Variants in GPC5 observed in about 807,000 individuals in gnomAD.
GPC5 encodes glypican-5.
GPC5 carries 47 observed loss-of-function variants against 53.9 expected under a neutral mutation model. That is an observed-to-expected ratio of 0.87 (90% CI 0.69 to 1.11). The LOEUF (loss-of-function observed/expected upper bound fraction) is 1.11. GPC5 is among the 50% of genes most tolerant of loss of function. The pLI, the probability that GPC5 is intolerant of heterozygous loss-of-function variation, is 0.00. For missense variants in GPC5, 748 were observed against 713.1 expected (o/e 1.05, Z -0.56); for synonymous variants, 286 against 263.3 (o/e 1.09, Z -0.84).
intron 6 of GPC5, among the ~76,000 whole-genome samples, chr13:91,964,306 G>A (rs1326824376): frequency 6.6e-6 from 1 of 152,184 alleles, no homozygotes; most frequent in Non-Finnish European, 1.5e-5. Context: ...CAGGTTGCTG[G>A]TGTGGGCTCC....
chr13:92,196,114 A>G (rs1339872503), intron 7 of GPC5, among the ~76,000 whole-genome samples: 1 of 151,178 alleles, frequency 6.6e-6, no homozygotes, highest in Non-Finnish European at 1.5e-5. Flanking sequence ...TTCAAAATTT[A>G]CATTTCTATG....
chr13:92,178,061 C>T (rs1481151354), intron 7 of GPC5, among the ~76,000 whole-genome samples: 4 of 152,146 alleles, frequency 2.6e-5, no homozygotes, highest in Non-Finnish European at 4.4e-5. Flanking sequence ...TTACCAAGCT[C>T]TTAACCTAAT....
chr13:92,465,222 T>G (rs1209073213), intron 7 of GPC5, among the ~76,000 whole-genome samples: 13 of 152,076 alleles, frequency 8.5e-5, no homozygotes, highest in Non-Finnish European at 1.8e-4. Context: ...AAGTGTATGT[T>G]AAGAAATGAT....
At chr13:91,779,597 G>C (rs2037764762) in intron 5 of GPC5, among the ~76,000 whole-genome samples, 1 of 152,176 alleles carries the variant, frequency 6.6e-6, no homozygotes, top group Non-Finnish European at 1.5e-5. Flanking sequence ...CTGGGCTCAA[G>C]TGGTCTGCCT....
chr13:91,958,233 A>G (rs1358138298), intron 6 of GPC5, among the ~76,000 whole-genome samples: 1 of 151,778 alleles, frequency 6.6e-6, no homozygotes, highest in African/African-American at 2.4e-5. Flanking sequence ...AGAGGTAGCT[A>G]TACCTATGTT....
At chr13:92,700,245 C>A (rs1887686402) in intron 7 of GPC5, among the ~76,000 whole-genome samples, 1 of 145,332 alleles carries the variant, frequency 6.9e-6, no homozygotes, top group Non-Finnish European at 1.5e-5. Context: ...ACTGGGATTG[C>A]AACCCCTGCA....
At position 91,892,611 on chromosome 13, in the gene GPC5, ATTTTGT is replaced by A. The variant is rs2039399033; in HGVS notation, c.1281-15325_1281-15320del. ...ATCTTTAACTCTGTTACAAATTAGT[ATTTTGT>A]AGATAAAAATTATTATATAATTTTA... is the stretch of plus-strand genomic sequence containing the variant. On this transcript the variant is annotated intron_variant, in intron 5 of 7. Coordinates refer to ENST00000377067, the MANE Select transcript of GPC5 (RefSeq NM_004466.6). Among the ~76,000 whole-genome samples, 2 of 151,726 alleles carry A rather than the reference ATTTTGT, an allele frequency of 1.3e-5. 1 individual carries two copies. The highest frequency in any genetic ancestry group is 4.1e-4 in the South Asian group (2 of 4,826).
chr13:92,131,063 A>C (rs1013787738), intron 6 of GPC5, among the ~76,000 whole-genome samples: 2 of 151,976 alleles, frequency 1.3e-5, no homozygotes, highest in Non-Finnish European at 2.9e-5. Context: ...CTTTATTAGC[A>C]GATATTTAAA....
intron 5 of GPC5, among the ~76,000 whole-genome samples, chr13:91,820,749 G>A (rs1260031860): frequency 1.3e-5 from 2 of 152,062 alleles, no homozygotes; most frequent in Non-Finnish European, 2.9e-5. Context: ...GGATCACGAG[G>A]TCAGGAGATC....
chr13:91,659,479 C>G (rs2034930741), intron 2 of GPC5, among the ~76,000 whole-genome samples: 2 of 152,146 alleles, frequency 1.3e-5, no homozygotes, highest in African/African-American at 2.4e-5. Flanking sequence ...CACAGCTCTG[C>G]TTACATGTCC....
intron 2 of GPC5, among the ~76,000 whole-genome samples, chr13:91,616,192 G>A (rs776220103): frequency 6.6e-6 from 1 of 152,080 alleles, no homozygotes; most frequent in Non-Finnish European, 1.5e-5. Context: ...TCTGTTAATT[G>A]TTGATTCTTG....
rs114386850 is a variant in GPC5, at chr13:91,500,221, T to C, written c.325+51299T>C. Among the ~76,000 whole-genome samples, 582 of 152,344 alleles carry C rather than the reference T, an allele frequency of 3.8e-3. 4 individuals are homozygous for C. The highest frequency in any genetic ancestry group is 0.013 in the African/African-American group (553 of 41,588). ...ATACAAATCCTTGAGGATAGGGACT[T>C]TTCTTCACTACCATGTCTTTAGAAA... On this transcript the variant is annotated intron_variant, in intron 2 of 7. Transcript: ENST00000377067.
intron 5 of GPC5, among the ~76,000 whole-genome samples, chr13:91,880,955 T>C (rs1369352915): frequency 6.6e-6 from 1 of 152,160 alleles, no homozygotes; most frequent in Non-Finnish European, 1.5e-5. Context: ...CACACAGGGC[T>C]AATTTTTGTG....
In GPC5 at chr13:91,756,277, C is replaced by G. The variant is rs748465006; in HGVS notation, c.1155-18C>G. ...GTGGATGTTTGGTTTTAATTGTTTT[C>G]TTTCTTCTTTCATTTAGAGAATTTA... On this transcript the variant is annotated intron_variant, in intron 4 of 7. Coordinates refer to ENST00000377067, the MANE Select transcript of GPC5 (RefSeq NM_004466.6). 1 of 1,464,694 alleles carries G rather than the reference C, an allele frequency of 6.8e-7. No homozygotes were observed. Among genetic ancestry groups the G allele is most frequent in the Non-Finnish European group, 9.2e-7 (1 of 1,092,038 alleles). The allele number at this position is 1,464,694 out of a possible 1,614,324, so 90.7% of individuals were successfully genotyped here.
intron 4 of GPC5, among the ~76,000 whole-genome samples, chr13:91,743,568 G>T (rs949014824): frequency 4.6e-5 from 7 of 152,134 alleles, no homozygotes; most frequent in African/African-American, 1.7e-4. Flanking sequence ...AGGGGAAAAT[G>T]GGAAGCAGGA....
At chr13:92,543,189 T>C (rs926417591) in intron 7 of GPC5, among the ~76,000 whole-genome samples, 1 of 152,060 alleles carries the variant, frequency 6.6e-6, no homozygotes, top group Non-Finnish European at 1.5e-5. Context: ...TTTTCTCTAT[T>C]TGTCTGTGTC....
rs965528147 is a variant in GPC5, at chr13:91,736,465, G to A, written c.1154+7800G>A. 2.6e-5 allele frequency among the ~76,000 whole-genome samples: 4 copies of A among 151,090 alleles called. No homozygotes were observed. In the South Asian group the frequency reaches 8.3e-4, roughly 31 times the overall value. On this transcript the variant is annotated intron_variant, in intron 4 of 7. Coordinates refer to ENST00000377067, the MANE Select transcript of GPC5 (RefSeq NM_004466.6). ...TTTTTTGCCATCTCATATGCTGAATGTAGATCTTTTTTTATTATACTGTAT... is the reference window on the plus strand; with the variant it reads ...TTTTTTGCCATCTCATATGCTGAATATAGATCTTTTTTTATTATACTGTAT...
At chr13:92,775,376 A>C (rs2138754260) in intron 7 of GPC5, among the ~76,000 whole-genome samples, 1 of 152,354 alleles carries the variant, frequency 6.6e-6, no homozygotes, top group Admixed American at 6.5e-5. Context: ...TCACTGTAGC[A>C]CAACTCTTTG....
intron 5 of GPC5, among the ~76,000 whole-genome samples, chr13:91,760,471 T>C (rs886310136): frequency 1.3e-5 from 2 of 152,196 alleles, no homozygotes; most frequent in Admixed American, 6.5e-5. Flanking sequence ...GAATGTATAC[T>C]ACATTTGGGG....
Sources: allele counts gnomAD v4.1 joint callset (sites outside exome capture counted in the v4.1 genomes callset), GRCh38; gene constraint gnomAD v4.1.1; transcripts MANE v1.5; gene names NCBI Gene and HGNC (gene_info 2026-07-23, HGNC 2026-07-21).